Variants in COPG2 observed in about 807,000 individuals in gnomAD.
The protein encoded by COPG2 is coat protein complex I subunit gamma 2, also known as coatomer subunit gamma-2.
COPG2 carries 37 observed loss-of-function variants against 46.3 expected under a neutral mutation model. The ratio of observed to expected loss-of-function variants is 0.80; its 90% CI spans 0.61 to 1.05. The LOEUF (loss-of-function observed/expected upper bound fraction) is 1.05. COPG2 is among the 50% of genes least tolerant of loss of function. The probability of loss-of-function intolerance (pLI) is 0.00; values close to 1 mark genes in which losing one functional copy is unlikely to be tolerated. For synonymous variants in COPG2, 159 were observed against 129.7 expected (o/e 1.23, Z -1.53); for missense variants, 427 against 387.8 (o/e 1.10, Z -0.85).
chr7:130,630,790 T>C (rs987370487), intron 5 of COPG2, among the ~76,000 whole-genome samples: 1 of 152,228 alleles, frequency 6.6e-6, no homozygotes, highest in East Asian at 1.9e-4. Flanking sequence ...GCATGGTATA[T>C]CTTGCTTCAT....
intron 9 of COPG2, among the ~76,000 whole-genome samples, chr7:130,576,735 C>T (rs1288667479): frequency 1.3e-5 from 2 of 151,978 alleles, no homozygotes; most frequent in Non-Finnish European, 2.9e-5. Flanking sequence ...CTAAACCTAG[C>T]AGAAGAAAGG....
At chr7:130,662,114 G>A (rs1470940631) in intron 4 of COPG2, among the ~76,000 whole-genome samples, 4 of 152,170 alleles carry the variant, frequency 2.6e-5, no homozygotes, top group Non-Finnish European at 4.4e-5. Flanking sequence ...TCTGCTAGTA[G>A]AAGCATCAGT....
intron 22 of COPG2, 116 bp downstream of exon 22, chr7:130,507,569 A>T: frequency 1.5e-6 from 1 of 653,448 alleles, no homozygotes; most frequent in Non-Finnish European, 2.8e-6. Context: ...TGGCCTTTTA[A>T]GTAAGAGATT....
intron 4 of COPG2, among the ~76,000 whole-genome samples, chr7:130,654,980 A>C (rs1475144154): frequency 6.6e-6 from 1 of 151,438 alleles, no homozygotes. Context: ...TTTATGCTTT[A>C]TTCTTGTTAT....
intron 9 of COPG2, among the ~76,000 whole-genome samples, chr7:130,589,804 T>C (rs941247718): frequency 2.0e-5 from 3 of 152,226 alleles, no homozygotes; most frequent in Non-Finnish European, 2.9e-5. Context: ...TTTTGTTTAT[T>C]GGCAGGTGCA....
At position 130,652,946 on chromosome 7, in the gene COPG2, T is replaced by C. The variant is rs1489583489; in HGVS notation, c.246A>G (p.Gln82=). Residue 82 remains glutamine, a splice_region_variant and synonymous_variant, in exon 5 of 24, where the codon CAA becomes CAG. Transcript: ENST00000425248. ...TAAGGTAGCACATTCTCCTCAATGT[T>C]TGCTGAAAAATCATTTATAAAAGGT... ...AMTRLFQSND[Q]TLRRMCYLTI... is the part of the protein sequence containing the mutation. 7.5e-6 allele frequency: 12 copies of C among 1,592,386 alleles called. No homozygotes were observed. The highest frequency in any genetic ancestry group is 1.7e-5 in the Admixed American group (1 of 58,064).
chr7:130,580,006 C>A (rs1794100789), intron 9 of COPG2, among the ~76,000 whole-genome samples: 2 of 150,624 alleles, frequency 1.3e-5, no homozygotes, highest in African/African-American at 4.9e-5. Flanking sequence ...TAATAGACAT[C>A]TACAGAACTC....
intron 7 of COPG2, 110 bp downstream of exon 7, chr7:130,613,434 G>T: frequency 1.4e-6 from 1 of 737,750 alleles, no homozygotes; most frequent in Non-Finnish European, 2.3e-6. Flanking sequence ...TAATAGAGGT[G>T]TATACATATT....
At chr7:130,648,602 G>C (rs916900501) in intron 5 of COPG2, among the ~76,000 whole-genome samples, 2 of 152,202 alleles carry the variant, frequency 1.3e-5, no homozygotes, top group African/African-American at 2.4e-5. Context: ...ACAAGGACGG[G>C]ACTGCCGTAG....
intron 9 of COPG2, among the ~76,000 whole-genome samples, chr7:130,587,819 A>T (rs1210140825): frequency 6.6e-6 from 1 of 151,984 alleles, no homozygotes; most frequent in Non-Finnish European, 1.5e-5. Flanking sequence ...AAAGAGCTTC[A>T]GCACAGCAAA....
chr7:130,606,229 T>C (rs559413874), intron 9 of COPG2, among the ~76,000 whole-genome samples: 2 of 57,614 alleles, frequency 3.5e-5, no homozygotes, highest in Non-Finnish European at 7.8e-5. Context: ...TTAAAATAAA[T>C]AAAAAAAAGA....
At chr7:130,627,670 T>C (rs1345835325) in intron 5 of COPG2, among the ~76,000 whole-genome samples, 3 of 151,828 alleles carry the variant, frequency 2.0e-5, no homozygotes, top group South Asian at 2.1e-4. Context: ...TTAATCTTTC[T>C]AGTTGTTGTT....
At chr7:130,624,566 C>T (rs1456947450) in intron 5 of COPG2, among the ~76,000 whole-genome samples, 1 of 152,058 alleles carries the variant, frequency 6.6e-6, no homozygotes, top group East Asian at 1.9e-4. Flanking sequence ...TCCCTCACCC[C>T]CTCCTAACCT....
At position 130,633,802 on chromosome 7, in the gene COPG2, T is replaced by G. The variant is rs953415737; in HGVS notation, c.324-16737A>C. 2.0e-5 allele frequency among the ~76,000 whole-genome samples: 3 copies of G among 152,246 alleles called. No homozygotes were observed. The South Asian group carries it at 6.2e-4, about 31-fold the overall frequency. On this transcript the variant is annotated intron_variant, in intron 5 of 23. Transcript: ENST00000425248. ...GTCATGAAGTCTTTGCCCATGCCTATGTCCTGAATGGTATTACCGAGGTTT... is the reference window on the plus strand; with the variant it reads ...GTCATGAAGTCTTTGCCCATGCCTAGGTCCTGAATGGTATTACCGAGGTTT...
At chr7:130,625,143 T>C (rs1795096141) in intron 5 of COPG2, among the ~76,000 whole-genome samples, 1 of 152,236 alleles carries the variant, frequency 6.6e-6, no homozygotes, top group African/African-American at 2.4e-5. Flanking sequence ...GTGGTTTTAA[T>C]TTGCTTTTCC....
chr7:130,616,359 C>A (rs1584581800), intron 6 of COPG2, among the ~76,000 whole-genome samples: 1 of 151,898 alleles, frequency 6.6e-6, no homozygotes, highest in Non-Finnish European at 1.5e-5. Flanking sequence ...TCCCACATGG[C>A]GATGATTATT....
At chr7:130,636,121 A>C (rs1554456146) in intron 5 of COPG2, among the ~76,000 whole-genome samples, 1 of 152,142 alleles carries the variant, frequency 6.6e-6, no homozygotes, top group African/African-American at 2.4e-5. Flanking sequence ...TTTTACTTCC[A>C]ATTATGTGGA....
At chr7:130,549,842 TTA>T (rs1195334159) in intron 17 of COPG2, among the ~76,000 whole-genome samples, 13 of 152,226 alleles carry the variant, frequency 8.5e-5, no homozygotes, top group African/African-American at 3.1e-4. Flanking sequence ...GGAATATTTT[TTA>T]TGATTGTCGC....
chr7:130,656,134 G>C (rs1554459883), intron 4 of COPG2, among the ~76,000 whole-genome samples: 1 of 151,294 alleles, frequency 6.6e-6, no homozygotes, highest in Non-Finnish European at 1.5e-5. Context: ...GTCATTATAA[G>C]ATTTATGTTT....
Sources: allele counts gnomAD v4.1 joint callset (sites outside exome capture counted in the v4.1 genomes callset), GRCh38; gene constraint gnomAD v4.1.1; transcripts MANE v1.5; gene names NCBI Gene and HGNC (gene_info 2026-07-23, HGNC 2026-07-21).